The following ANKS1B variants were observed in gnomAD, a reference collection of about 807,000 sequenced individuals.
ANKS1B encodes ankyrin repeat and sterile alpha motif domain-containing protein 1B.
ANKS1B carries 36 observed loss-of-function variants against 148.3 expected under a neutral mutation model. The ratio of observed to expected loss-of-function variants is 0.24; its 90% CI spans 0.19 to 0.32. The LOEUF (loss-of-function observed/expected upper bound fraction) is 0.32. Among genes scored for constraint, ANKS1B ranks in the 10% least tolerant of loss-of-function variants. ANKS1B has a pLI of 1.00. For missense variants in ANKS1B, 1,157 were observed against 1,542.6 expected (o/e 0.75, Z 4.19); for synonymous variants, 542 against 560.8 (o/e 0.97, Z 0.47).
chr12:98,995,017 G>A (rs1349181911), intron 17 of ANKS1B, among the ~76,000 whole-genome samples: 5 of 152,170 alleles, frequency 3.3e-5, no homozygotes, highest in Admixed American at 3.3e-4. Context: ...CTGAGTGAAT[G>A]AGTTAAAGAG....
At chr12:98,742,362 CCAAA>C (rs921140962), downstream of ANKS1B, among the ~76,000 whole-genome samples, 11 of 151,112 alleles carry the variant, frequency 7.3e-5, no homozygotes, top group Non-Finnish European at 1.3e-4. Context: ...TTTTTTTTCC[CCAAA>C]CAAACATAGG....
At chr12:99,728,157 A>G (rs1236075465) in intron 8 of ANKS1B, among the ~76,000 whole-genome samples, 1 of 152,228 alleles carries the variant, frequency 6.6e-6, no homozygotes, top group Non-Finnish European at 1.5e-5. Context: ...GAGCTTCTGC[A>G]CAGCAAAAGA....
intron 15 of ANKS1B, among the ~76,000 whole-genome samples, chr12:99,118,087 A>C (rs891720787): frequency 6.6e-6 from 1 of 152,186 alleles, no homozygotes; most frequent in African/African-American, 2.4e-5. Flanking sequence ...TTTCAATAAA[A>C]ATGATTAAAG....
At chr12:98,800,484 T>C (rs2098992814) in intron 21 of ANKS1B, among the ~76,000 whole-genome samples, 3 of 151,946 alleles carry the variant, frequency 2.0e-5, no homozygotes, top group Admixed American at 1.3e-4. Context: ...TCCTATTACA[T>C]TTCTCAGCTA....
chr12:98,865,051 C>G (rs1445902584), intron 17 of ANKS1B, among the ~76,000 whole-genome samples: 1 of 152,150 alleles, frequency 6.6e-6, no homozygotes, highest in Non-Finnish European at 1.5e-5. Context: ...CTGTTGTTTT[C>G]TGCTGGAGAG....
intron 9 of ANKS1B, among the ~76,000 whole-genome samples, chr12:99,618,047 T>C (rs2097993179): frequency 6.6e-6 from 1 of 152,156 alleles, no homozygotes; most frequent in African/African-American, 2.4e-5. Flanking sequence ...CCTAATGCTT[T>C]CCATAACTCA....
chr12:99,950,303 CTTA>C (rs993485876), intron 1 of ANKS1B, among the ~76,000 whole-genome samples: 1 of 151,784 alleles, frequency 6.6e-6, no homozygotes, highest in Middle Eastern at 3.4e-3. Context: ...AAATATTAAG[CTTA>C]TTTGGATATT....
intron 12 of ANKS1B, among the ~76,000 whole-genome samples, chr12:99,277,862 A>T (rs536082879): frequency 2.6e-4 from 39 of 152,212 alleles, no homozygotes; most frequent in Non-Finnish European, 4.8e-4. Context: ...ACTATTCCTG[A>T]ATAGGTCTCA....
intron 9 of ANKS1B, among the ~76,000 whole-genome samples, chr12:99,609,339 T>C (rs560390960): frequency 4.6e-5 from 7 of 151,922 alleles, no homozygotes; most frequent in African/African-American, 1.7e-4. Context: ...ATCCATCAAG[T>C]AACTCAGAAC....
intron 19 of ANKS1B, among the ~76,000 whole-genome samples, chr12:98,817,181 A>G (rs1468555952): frequency 6.6e-6 from 1 of 152,226 alleles, no homozygotes; most frequent in Admixed American, 6.5e-5. Context: ...CTTCTAAAAG[A>G]AAATGAAAAC....
intron 14 of ANKS1B, among the ~76,000 whole-genome samples, chr12:99,159,284 T>C (rs1474668092): frequency 1.3e-5 from 2 of 152,184 alleles, no homozygotes; most frequent in African/African-American, 4.8e-5. Context: ...CGTGCGTATA[T>C]TGTGTGATGT....
In ANKS1B at chr12:99,759,861, T is replaced by C. The variant is rs145247167; in HGVS notation, c.1128+13061A>G. 3.2e-3 allele frequency among the ~76,000 whole-genome samples: 490 copies of C among 152,016 alleles called. 2 individuals carry two copies. Among genetic ancestry groups the C allele is most frequent in the Non-Finnish European group, 5.8e-3 (392 of 67,828 alleles). ...AAACATTACAATTAGCTCATAAGTG[T>C]AAAGTACAGATTCTCAGGAAAATTC... On this transcript the variant is annotated intron_variant, in intron 8 of 26. Transcript: ENST00000683438.
intron 17 of ANKS1B, among the ~76,000 whole-genome samples, chr12:99,033,669 A>G (rs2099953704): frequency 6.6e-6 from 1 of 152,058 alleles, no homozygotes; most frequent in Non-Finnish European, 1.5e-5. Context: ...ATCTCAAAAA[A>G]AAAAAAAGTA....
At chr12:99,327,929 A>G (rs2086794032) in intron 12 of ANKS1B, among the ~76,000 whole-genome samples, 1 of 151,838 alleles carries the variant, frequency 6.6e-6, no homozygotes, top group South Asian at 2.1e-4. Flanking sequence ...GATTATTTAT[A>G]TGATCCTATT....
intron 1 of ANKS1B, among the ~76,000 whole-genome samples, chr12:99,983,481 C>A (rs1487783003): frequency 6.6e-6 from 1 of 152,142 alleles, no homozygotes; most frequent in East Asian, 1.9e-4. Flanking sequence ...TCATCCTGAG[C>A]TATAACAACC....
chr12:99,928,266 A>ATTT (rs1355468782), intron 1 of ANKS1B, among the ~76,000 whole-genome samples: 6 of 81,090 alleles, frequency 7.4e-5, no homozygotes, highest in African/African-American at 3.8e-4. Context: ...ATTTTATTTT[A>ATTT]TTTTATTTTT....
intron 11 of ANKS1B, among the ~76,000 whole-genome samples, chr12:99,437,058 G>A (rs917823846): frequency 2.0e-5 from 3 of 151,888 alleles, no homozygotes; most frequent in Non-Finnish European, 2.9e-5. Context: ...TGTCTTTTCC[G>A]GCTGCTATTA....
At chr12:99,240,248 A>G (rs1158698153) in intron 14 of ANKS1B, among the ~76,000 whole-genome samples, 1 of 152,178 alleles carries the variant, frequency 6.6e-6, no homozygotes, top group African/African-American at 2.4e-5. Flanking sequence ...AACAAAAAAA[A>G]GCACGGATTG....
intron 9 of ANKS1B, among the ~76,000 whole-genome samples, chr12:99,546,116 C>T (rs2097170819): frequency 6.6e-6 from 1 of 152,084 alleles, no homozygotes; most frequent in Non-Finnish European, 1.5e-5. Context: ...TAAAATGCAG[C>T]TGTAGACAGC....
Sources: gnomAD v4.1 joint callset for allele counts (sites outside exome capture counted in the v4.1 genomes callset) on GRCh38, gnomAD v4.1.1 for gene constraint, MANE v1.5 for transcripts, NCBI Gene and HGNC (gene_info 2026-07-23, HGNC 2026-07-21) for gene names.